AP1B1: variants seen among roughly 807,000 people sequenced by gnomAD.
The protein encoded by AP1B1 is adaptor related protein complex 1 subunit beta 1, also known as AP-1 complex subunit beta-1.
AP1B1 carries 36 observed loss-of-function variants against 104.3 expected under a neutral mutation model. The observed-to-expected ratio is 0.35, with a 90% CI of 0.26 to 0.46. The LOEUF (loss-of-function observed/expected upper bound fraction) is 0.46. Among genes scored for constraint, AP1B1 ranks in the 20% least tolerant of loss-of-function variants. The pLI is 1.00. For missense variants in AP1B1, 901 were observed against 1,247.9 expected, an observed-to-expected ratio of 0.72 and a Z score of 4.19; for synonymous variants, 504 against 517.5, an observed-to-expected ratio of 0.97 and a Z score of 0.35.
chr22:29,366,921 T>TCC (rs895846219), intron 2 of AP1B1, among the ~76,000 whole-genome samples: 1 of 151,408 alleles, frequency 6.6e-6, no homozygotes, highest in Non-Finnish European at 1.5e-5. Flanking sequence ...GTGTTTTCTT[T>TCC]CCCCTGGAAA....
In AP1B1 at chr22:29,334,606, G is replaced by A. The variant is rs1413278413; in HGVS notation, c.2164-196C>T. ...ATCCCATGTACCATCTAGGGCCACC[G>A]CCATGACAGGCTGCCTCTCGGAGCA... On this transcript the variant is annotated intron_variant, in intron 16 of 22. Transcript: ENST00000357586. Among the ~76,000 whole-genome samples the A allele has an allele frequency of 3.3e-5, 5 of 152,192 alleles. No homozygotes were observed. The East Asian group carries it at 9.6e-4, about 29-fold the overall frequency.
chr22:29,366,560 G>A (rs2062140261), intron 2 of AP1B1, among the ~76,000 whole-genome samples: 1 of 152,088 alleles, frequency 6.6e-6, no homozygotes, highest in African/African-American at 2.4e-5. Flanking sequence ...CCTGGAAAGC[G>A]GAGGTTGTGG....
chr22:29,334,436 G>A (rs1372442348), intron 16 of AP1B1, 26 bp from the exon 17 acceptor site: 3 of 1,580,344 alleles, frequency 1.9e-6, no homozygotes, highest in Non-Finnish European at 2.6e-6. Flanking sequence ...TGCGGAGGGG[G>A]CGGGTAGGTG....
rs1162448410 is a variant in AP1B1 at position 29,339,014 on chromosome 22, T to A, written c.2139A>T (p.Ser713=). ...FDLTSGVGTL[S]GSYVAPKAVW... is the part of the protein sequence containing the mutation. ...CTGCTTTGGGGGCCACATATGATCCTGACAGGGTGCCCACGCCACTGGTCA... is the reference window on the plus strand; with the variant it reads ...CTGCTTTGGGGGCCACATATGATCCAGACAGGGTGCCCACGCCACTGGTCA... Residue 713 remains serine (S), a synonymous_variant, in exon 16 of 23, where the codon TCA becomes TCT. Transcript: ENST00000357586. 2 of 1,614,132 alleles carry A rather than the reference T, an allele frequency of 1.2e-6. No homozygotes were observed. Among genetic ancestry groups the A allele is most frequent in the Non-Finnish European group, 1.7e-6 (2 of 1,180,022 alleles).
intron 16 of AP1B1, among the ~76,000 whole-genome samples, chr22:29,338,177 C>T (rs754229640): frequency 1.8e-4 from 28 of 152,238 alleles, no homozygotes; most frequent in Non-Finnish European, 3.1e-4. Flanking sequence ...CAACAAGCAA[C>T]TGTCCTGCAT....
At chr22:29,371,729 A>G (rs1456471877) in intron 1 of AP1B1, among the ~76,000 whole-genome samples, 1 of 150,408 alleles carries the variant, frequency 6.6e-6, no homozygotes, top group Non-Finnish European at 1.5e-5. Flanking sequence ...CTCCGTCTCA[A>G]AAAAAAAAAG....
chr22:29,333,514 G>A (rs1425932476), intron 17 of AP1B1, among the ~76,000 whole-genome samples: 2 of 152,150 alleles, frequency 1.3e-5, no homozygotes, highest in Non-Finnish European at 2.9e-5. Flanking sequence ...GCTGGAGCAG[G>A]GCGTTTCTGT....
intron 1 of AP1B1, among the ~76,000 whole-genome samples, chr22:29,373,686 T>G (rs1485823573): frequency 6.6e-6 from 1 of 152,158 alleles, no homozygotes; most frequent in Non-Finnish European, 1.5e-5. Context: ...GTGGATCACC[T>G]GCGGCCAGGA....
rs751840443 is a variant in AP1B1, at chr22:29,331,821, G to A, written c.2405C>T (p.Ser802Leu). The change falls in exon 18 of 23, where the codon TCG (serine) becomes TTG (leucine). Residue 802 changes from serine to leucine, a missense_variant. Coordinates refer to ENST00000357586, the MANE Select transcript of AP1B1 (RefSeq NM_001127.4). Reference sequence around the variant, plus strand: ...GTTCAGAGGCTCCATCTTCATGACCGAGCCCACCGTGCTGAGAGGCAGGGA... The same window carrying A: ...GTTCAGAGGCTCCATCTTCATGACCAAGCCCACCGTGCTGAGAGGCAGGGA... Reference protein sequence around the residue: ...EISLPLSTVGSVMKMEPLNNL... With the variant: ...EISLPLSTVGLVMKMEPLNNL... 7 of 1,613,570 alleles carry A rather than the reference G, an allele frequency of 4.3e-6. No homozygotes were observed. The South Asian group carries it at 4.4e-5, about 10-fold the overall frequency.
At chr22:29,372,396 C>T (rs2062255067) in intron 1 of AP1B1, among the ~76,000 whole-genome samples, 2 of 149,588 alleles carry the variant, frequency 1.3e-5, no homozygotes, top group South Asian at 4.2e-4. Flanking sequence ...TGCACTCCAG[C>T]CTGCGCAACA....
Position 29,360,600 on chromosome 22 carries a change from G to C in AP1B1, c.144-641C>G, listed in dbSNP as rs138410726. Among the ~76,000 whole-genome samples, 985 of 152,286 alleles carry C rather than the reference G, an allele frequency of 6.5e-3. 10 individuals are homozygous for C. Among genetic ancestry groups the C allele is most frequent in the Non-Finnish European group, 0.011 (774 of 68,018 alleles). On this transcript the variant is annotated intron_variant, in intron 3 of 22. Transcript: ENST00000357586. ...CCATACACCAGGCTTGGTGCTAAGA[G>C]CTTTACATGCTTGATCTCATTTAAC...
At chr22:29,339,633 G>A in intron 15 of AP1B1, 121 bp downstream of exon 15, 3 of 1,066,632 alleles carry the variant, frequency 2.8e-6, no homozygotes, top group Non-Finnish European at 4.1e-6. Context: ...CTGGACCAAG[G>A]CAGGGGCTCA....
intron 11 of AP1B1, among the ~76,000 whole-genome samples, chr22:29,346,234 T>A (rs1272615502): frequency 6.6e-6 from 1 of 152,204 alleles, no homozygotes; most frequent in Admixed American, 6.5e-5. Flanking sequence ...GACTCTTGGC[T>A]TACCTCTCCC....
intron 17 of AP1B1, chr22:29,333,329 C>G (rs1254801012): frequency 6.5e-6 from 1 of 154,280 alleles, no homozygotes; most frequent in East Asian, 1.9e-4. Flanking sequence ...GTGTAGCGGA[C>G]CCGGTGGGGA....
chr22:29,361,692 A>C (rs114446626), intron 3 of AP1B1, among the ~76,000 whole-genome samples: 87 of 152,278 alleles, frequency 5.7e-4, no homozygotes, highest in African/African-American at 2.0e-3. Context: ...ACAAGAGAAC[A>C]GTTTCCATTT....
At chr22:29,351,138 T>C in intron 9 of AP1B1, 33 bp downstream of exon 9, 1 of 1,579,964 alleles carries the variant, frequency 6.3e-7, no homozygotes, top group East Asian at 2.3e-5. Flanking sequence ...CCCTTTTCCT[T>C]CTCCAGCCAA....
chr22:29,347,495 G>A (rs1186148152), intron 11 of AP1B1, among the ~76,000 whole-genome samples: 11 of 152,204 alleles, frequency 7.2e-5, no homozygotes, highest in Admixed American at 6.5e-4. Flanking sequence ...GAGGGGTATG[G>A]ACTCTGGGAT....
At chr22:29,361,738 G>C (rs1405794117) in intron 3 of AP1B1, among the ~76,000 whole-genome samples, 3 of 151,928 alleles carry the variant, frequency 2.0e-5, no homozygotes, top group East Asian at 1.9e-4. Flanking sequence ...CAAATGCTTT[G>C]AGTTTGAGGT....
Position 29,339,068 on chromosome 22 carries a change from G to A in AP1B1, c.2085C>T (p.Ile695=), listed in dbSNP as rs765558421. The A allele has an allele frequency of 2.0e-5, 32 of 1,614,078 alleles. No homozygotes were observed. Among genetic ancestry groups the A allele is most frequent in the South Asian group, 1.3e-4 (12 of 91,084 alleles). The change falls in exon 16 of 23, where the codon ATC becomes ATT. Residue 695 remains isoleucine, a synonymous_variant. Transcript: ENST00000357586. ...AAVPANLGAP[I]GSGLSDLFDL... ...CAAAGAGGTCACTCAGGCCACTGCC[G>A]ATGGGTGCTCCAAGATTGGCTGGTA...
Sources: allele counts gnomAD v4.1 joint callset (sites outside exome capture counted in the v4.1 genomes callset), GRCh38; gene constraint gnomAD v4.1.1; transcripts MANE v1.5; gene names NCBI Gene and HGNC (gene_info 2026-07-23, HGNC 2026-07-21).